Variants in TMBIM4 observed in about 807,000 individuals in gnomAD.
TMBIM4 encodes the protein transmembrane BAX inhibitor motif containing 4, also known as protein lifeguard 4.
In TMBIM4, 28 loss-of-function variants were observed where a neutral mutation model predicts 27.7. The ratio of observed to expected loss-of-function variants is 1.01; its 90% CI spans 0.75 to 1.38. The LOEUF is 1.38. TMBIM4 is among the 40% of genes most tolerant of loss of function. The pLI, the probability that TMBIM4 is intolerant of heterozygous loss-of-function variation, is 0.00. For missense variants in TMBIM4, 265 were observed against 277.5 expected (o/e 0.95, Z 0.32); for synonymous variants, 115 against 113.1 (o/e 1.02, Z -0.11).
chr12:66,160,294 C>T (rs1420569052), intron 1 of TMBIM4: 1 of 701,962 alleles, frequency 1.4e-6, no homozygotes, highest in African/African-American at 1.7e-5. Flanking sequence ...AAGGTACAAT[C>T]TCTCTGGAGA....
At chr12:66,154,141 A>C (rs1480828805) in intron 1 of TMBIM4, among the ~76,000 whole-genome samples, 2 of 152,192 alleles carry the variant, frequency 1.3e-5, no homozygotes, top group Non-Finnish European at 2.9e-5. Flanking sequence ...GAAATAAAAC[A>C]TTAATAACAG....
intron 1 of TMBIM4, among the ~76,000 whole-genome samples, chr12:66,162,105 T>C (rs891065730): frequency 6.6e-6 from 1 of 152,074 alleles, no homozygotes; most frequent in African/African-American, 2.4e-5. Context: ...CTTCTCACTA[T>C]AATGTATGGC....
chr12:66,153,497 A>G (rs372478065), intron 1 of TMBIM4, 49 bp from the exon 2 acceptor site: 11 of 1,122,876 alleles, frequency 9.8e-6, no homozygotes, highest in Non-Finnish European at 1.3e-5. Context: ...CATTTATCAT[A>G]GAACAGTAAA....
At position 66,145,830 on chromosome 12, in the gene TMBIM4, A is replaced by G; in HGVS notation, c.464+11T>C. 6.8e-7 allele frequency: 1 copy of G among 1,464,782 alleles called. No homozygotes were observed. Among genetic ancestry groups the G allele is most frequent in the Non-Finnish European group, 9.5e-7 (1 of 1,056,238 alleles). 90.7% of individuals were successfully genotyped at this position (1,464,782 alleles called of 1,614,324 possible). A position where few individuals can be genotyped will look rare whatever the true frequency, so the allele number is the denominator to read the frequency against. ...ATCTATCTATTATATCCAAGAATATATACAACTTACCCTGCTCCAAATTTG... is the reference window on the plus strand; with the variant it reads ...ATCTATCTATTATATCCAAGAATATGTACAACTTACCCTGCTCCAAATTTG... On this transcript the variant is annotated intron_variant, in intron 5 of 6. Transcript: ENST00000358230.
intron 5 of TMBIM4, among the ~76,000 whole-genome samples, chr12:66,140,670 G>A (rs1270206376): frequency 6.6e-6 from 1 of 152,118 alleles, no homozygotes; most frequent in Non-Finnish European, 1.5e-5. Flanking sequence ...AGGAGGTGGA[G>A]GGATCACTTG....
At chr12:66,169,236 A>G in intron 1 of TMBIM4, 1 of 697,224 alleles carries the variant, frequency 1.4e-6, no homozygotes, top group Non-Finnish European at 2.6e-6. Context: ...TTAAATTCAA[A>G]AATTTCTGCC....
chr12:66,168,213 C>A (rs1479444267), intron 1 of TMBIM4, among the ~76,000 whole-genome samples: 5 of 150,178 alleles, frequency 3.3e-5, no homozygotes, highest in Non-Finnish European at 7.4e-5. Context: ...AAAGCGAGAC[C>A]CTGTCTCAAA....
intron 5 of TMBIM4, among the ~76,000 whole-genome samples, chr12:66,141,810 A>C (rs752462285): frequency 6.6e-6 from 1 of 152,184 alleles, no homozygotes; most frequent in Non-Finnish European, 1.5e-5. Flanking sequence ...TCTGCATCTA[A>C]AAATGAAGTT....
rs1463828122 is a variant in TMBIM4 at position 66,135,964 on chromosome 12, C to T, written c.*1996G>A. ...TCCTCTGCCTAGGAAAACCAGAGACCTTTGTTCACTTGTTTATCTGCTGAC... is the reference window on the plus strand; with the variant it reads ...TCCTCTGCCTAGGAAAACCAGAGACTTTTGTTCACTTGTTTATCTGCTGAC... On this transcript the variant is annotated 3_prime_UTR_variant, in exon 7 of 7. Coordinates refer to ENST00000358230, the MANE Select transcript of TMBIM4 (RefSeq NM_016056.4). 4 of 69,700 alleles carry T rather than the reference C, an allele frequency of 5.7e-5. 1 individual carries two copies. The highest frequency in any genetic ancestry group is 1.0e-4 in the Non-Finnish European group (4 of 39,336). The allele number at this position is 69,700 out of a possible 1,614,324, so 4.3% of individuals were successfully genotyped here. A position where few individuals can be genotyped will look rare whatever the true frequency, so the allele number is the denominator to read the frequency against.
chr12:66,146,486 T>C (rs750830737), intron 4 of TMBIM4, among the ~76,000 whole-genome samples: 2 of 152,170 alleles, frequency 1.3e-5, no homozygotes, highest in Non-Finnish European at 2.9e-5. Context: ...TTGCCTACCA[T>C]TCACTTACCC....
intron 1 of TMBIM4, among the ~76,000 whole-genome samples, chr12:66,166,191 A>C (rs1319811391): frequency 6.6e-6 from 1 of 152,210 alleles, no homozygotes; most frequent in Non-Finnish European, 1.5e-5. Context: ...TTGGCTGGGC[A>C]CAGTGGCTTA....
At chr12:66,164,920 T>A (rs577965634) in intron 1 of TMBIM4, among the ~76,000 whole-genome samples, 3 of 152,308 alleles carry the variant, frequency 2.0e-5, no homozygotes, top group Admixed American at 6.5e-5. Context: ...TTAGTTACAT[T>A]TTTATACACT....
At chr12:66,166,645 A>G (rs985673734) in intron 1 of TMBIM4, among the ~76,000 whole-genome samples, 1 of 152,238 alleles carries the variant, frequency 6.6e-6, no homozygotes, top group Admixed American at 6.5e-5. Context: ...GATATCATCA[A>G]ATGCTGACGA....
intron 5 of TMBIM4, among the ~76,000 whole-genome samples, chr12:66,141,628 T>C (rs771433669): frequency 7.9e-5 from 12 of 151,276 alleles, no homozygotes; most frequent in African/African-American, 1.9e-4. Flanking sequence ...AATAAAAGGA[T>C]AGAAAAACAT....
At chr12:66,160,365 C>A in intron 1 of TMBIM4, 3 of 580,770 alleles carry the variant, frequency 5.2e-6, no homozygotes, top group Non-Finnish European at 9.3e-6. Context: ...ATTTCACTTC[C>A]AAAAATTTAT....
At position 66,147,939 on chromosome 12, in the gene TMBIM4, C is replaced by T. The variant is rs1592540081; in HGVS notation, c.315G>A (p.Thr105=). 5.0e-6 allele frequency: 8 copies of T among 1,610,494 alleles called. No individual in the cohort carries two copies. The highest frequency in any genetic ancestry group is 2.2e-5 in the South Asian group (2 of 90,336). Residue 105 remains threonine, a splice_region_variant and synonymous_variant, in exon 4 of 7, where the codon ACG becomes ACA. Transcript: ENST00000358230. ...PLNLYLLFGF[T]LLEALTVAVV... Reference sequence around the variant, plus strand: ...CTGCCACAGTCAGAGCTTCCAACAGCGTCTAATGAAAAGAAACTTAAATTA... The same window carrying T: ...CTGCCACAGTCAGAGCTTCCAACAGTGTCTAATGAAAAGAAACTTAAATTA...
At chr12:66,161,591 A>G (rs1171934390) in intron 1 of TMBIM4, among the ~76,000 whole-genome samples, 9 of 152,218 alleles carry the variant, frequency 5.9e-5, no homozygotes, top group Non-Finnish European at 1.0e-4. Context: ...AACGCACCGA[A>G]GACAAATGAG....
chr12:66,161,038 T>C (rs1592553382), intron 1 of TMBIM4: 1 of 139,166 alleles, frequency 7.2e-6, no homozygotes, highest in African/African-American at 2.8e-5. Context: ...TCCCAGTCAG[T>C]TGGACGGCCG....
chr12:66,147,003 T>C (rs991960851), intron 4 of TMBIM4, among the ~76,000 whole-genome samples: 3 of 152,144 alleles, frequency 2.0e-5, no homozygotes, highest in Non-Finnish European at 4.4e-5. Context: ...CTACATTCTT[T>C]ATACATAGTA....
Sources: gnomAD v4.1 joint callset for allele counts (sites outside exome capture counted in the v4.1 genomes callset) on GRCh38, gnomAD v4.1.1 for gene constraint, MANE v1.5 for transcripts, NCBI Gene and HGNC (gene_info 2026-07-23, HGNC 2026-07-21) for gene names.